Variants in ABLIM1 observed in about 807,000 individuals in gnomAD.
ABLIM1 encodes the protein actin binding LIM protein 1, also known as actin-binding LIM protein 1.
Under a neutral mutation model 107.0 loss-of-function variants are expected in ABLIM1, and 40 were observed. That is an observed-to-expected ratio of 0.37 (90% CI 0.29 to 0.49). The LOEUF (loss-of-function observed/expected upper bound fraction) is 0.49, where lower values mean the gene tolerates loss of function less well. ABLIM1 is among the 20% of genes least tolerant of loss of function. The probability of loss-of-function intolerance (pLI) is 0.97; values close to 1 mark genes in which losing one functional copy is unlikely to be tolerated. For missense variants in ABLIM1, 857 were observed against 1,008.5 expected (o/e 0.85, Z 2.04); for synonymous variants, 357 against 357.3 (o/e 1.00, Z 0.01).
chr10:114,449,714 T>C (rs373284408), intron 14 of ABLIM1, among the ~76,000 whole-genome samples: 5 of 152,350 alleles, frequency 3.3e-5, no homozygotes, highest in African/African-American at 9.6e-5. Context: ...CATGTTAGCA[T>C]ATAAGAAGTT....
intron 1 of ABLIM1, among the ~76,000 whole-genome samples, chr10:114,764,251 C>T (rs905430453): frequency 6.6e-6 from 1 of 152,206 alleles, no homozygotes; most frequent in African/African-American, 2.4e-5. Flanking sequence ...TCTTAGCTTG[C>T]TCTATCATAA....
intron 12 of ABLIM1, among the ~76,000 whole-genome samples, chr10:114,463,507 C>G (rs1178611864): frequency 6.6e-6 from 1 of 151,736 alleles, no homozygotes; most frequent in Non-Finnish European, 1.5e-5. Flanking sequence ...GCACCTGACA[C>G]AACAGAACCC....
In ABLIM1 at chr10:114,707,511, C is replaced by A. The variant is rs139049797; in HGVS notation, c.-213+60550G>T. ...CCTCCCAAAGTGCTGGGATTACAGG[C>A]GTAAGCCACCACACCTGGCCCAGTT... On this transcript the variant is annotated intron_variant, in intron 1 of 15. Transcript: ENST00000651092. This position sits in a 1 kb window ranked among gnomAD's most constrained non-coding sequence, Gnocchi z 4.1. Among the ~76,000 whole-genome samples the A allele has an allele frequency of 2.0e-5, 3 of 152,152 alleles. No individual in the cohort carries two copies. Among genetic ancestry groups the A allele is most frequent in the Admixed American group, 6.5e-5 (1 of 15,274 alleles).
At chr10:114,500,352 T>C (rs761050962) in intron 6 of ABLIM1, among the ~76,000 whole-genome samples, 1 of 152,144 alleles carries the variant, frequency 6.6e-6, no homozygotes, top group Non-Finnish European at 1.5e-5. Flanking sequence ...GACTGAAAAT[T>C]GGACTTTGGG....
exon 1 of ABLIM1, chr10:114,684,567 A>G: frequency 2.2e-6 from 3 of 1,353,706 alleles, no homozygotes; most frequent in Non-Finnish European, 2.9e-6. Flanking sequence ...CTCCTTCCTC[A>G]TGTACAGATT....
At chr10:114,507,884 C>T (rs187426703) in intron 6 of ABLIM1, among the ~76,000 whole-genome samples, 4 of 152,140 alleles carry the variant, frequency 2.6e-5, no homozygotes, top group African/African-American at 9.7e-5. Context: ...AGCAGACCCC[C>T]CTGAGTTCTG....
At chr10:114,475,080 A>C (rs762312192) in intron 8 of ABLIM1, among the ~76,000 whole-genome samples, 2 of 152,224 alleles carry the variant, frequency 1.3e-5, no homozygotes, top group Non-Finnish European at 2.9e-5. Context: ...GCATGAGAAC[A>C]GACCTAACAG....
In ABLIM1 at chr10:114,574,448, TA is replaced by T. The variant is rs57646484; in HGVS notation, c.563+967del. On this transcript the variant is annotated intron_variant, in intron 3 of 22. Transcript: ENST00000533213. ...GATCATTTTATTATTTATTTTATTTTATTTTTTTTGAGATGGAGTCTTGCTG... is the reference window on the plus strand; with the variant it reads ...GATCATTTTATTATTTATTTTATTTTTTTTTTTTGAGATGGAGTCTTGCTG... 5.4e-3 allele frequency among the ~76,000 whole-genome samples: 818 copies of T among 151,094 alleles called. 7 individuals are homozygous for T. Among genetic ancestry groups the T allele is most frequent in the African/African-American group, 0.014 (581 of 40,680 alleles).
At chr10:114,448,612 T>TATG (rs2061406252) in intron 14 of ABLIM1, among the ~76,000 whole-genome samples, 1 of 151,524 alleles carries the variant, frequency 6.6e-6, no homozygotes, top group Non-Finnish European at 1.5e-5. Flanking sequence ...CTTTTATTAT[T>TATG]ATTATTATTA....
chr10:114,554,821 T>A (rs1241864589), intron 4 of ABLIM1, among the ~76,000 whole-genome samples: 2 of 152,190 alleles, frequency 1.3e-5, no homozygotes, highest in African/African-American at 4.8e-5. Flanking sequence ...TCCTAGACAC[T>A]AATTGGGCAA....
At chr10:114,497,354 A>G (rs1309889167) in intron 6 of ABLIM1, among the ~76,000 whole-genome samples, 2 of 152,078 alleles carry the variant, frequency 1.3e-5, no homozygotes, top group Non-Finnish European at 2.9e-5. Context: ...TTCCCCATCT[A>G]TCTTTGTACC....
chr10:114,475,142 C>T (rs2056115485), intron 8 of ABLIM1, among the ~76,000 whole-genome samples: 1 of 152,124 alleles, frequency 6.6e-6, no homozygotes, highest in Admixed American at 6.5e-5. Context: ...GGATTCTATC[C>T]CTGCCTTCCC....
At chr10:114,730,892 C>T (rs777221666) in intron 1 of ABLIM1, among the ~76,000 whole-genome samples, 1 of 152,122 alleles carries the variant, frequency 6.6e-6, no homozygotes, top group Non-Finnish European at 1.5e-5. Flanking sequence ...CTGGATATTT[C>T]ATGTAAATAG....
intron 6 of ABLIM1, among the ~76,000 whole-genome samples, chr10:114,527,823 C>G (rs1168117680): frequency 6.8e-6 from 1 of 146,772 alleles, no homozygotes; most frequent in Non-Finnish European, 1.5e-5. Context: ...AGCCACCATG[C>G]CTGGCTAATT....
intron 1 of ABLIM1, among the ~76,000 whole-genome samples, chr10:114,665,731 A>G (rs898433812): frequency 4.1e-4 from 63 of 152,322 alleles, no homozygotes; most frequent in Non-Finnish European, 7.2e-4. Flanking sequence ...GTTTTTTCCA[A>G]GTACTTAAAA....
chr10:114,665,778 A>G (rs4752089), intron 1 of ABLIM1, among the ~76,000 whole-genome samples: 29,982 of 152,120 alleles, frequency 0.2, 3,022 homozygotes, highest in Middle Eastern at 0.26. Flanking sequence ...GTCCTGTGAG[A>G]TGGAGCCCCC....
At chr10:114,677,753 C>T (rs1384478660) in intron 1 of ABLIM1, among the ~76,000 whole-genome samples, 1 of 152,098 alleles carries the variant, frequency 6.6e-6, no homozygotes, top group Non-Finnish European at 1.5e-5. Flanking sequence ...CCAGCCTGGG[C>T]AACAGCCAGA....
At chr10:114,582,592 A>G (rs2073522683) in intron 2 of ABLIM1, among the ~76,000 whole-genome samples, 1 of 152,210 alleles carries the variant, frequency 6.6e-6, no homozygotes, top group Admixed American at 6.5e-5. Flanking sequence ...GCGGCATCAC[A>G]TTATCTGACT....
intron 1 of ABLIM1, among the ~76,000 whole-genome samples, chr10:114,711,925 G>A (rs1170800506): frequency 1.3e-5 from 2 of 152,208 alleles, no homozygotes; most frequent in African/African-American, 4.8e-5. Flanking sequence ...AGCCGTTGCT[G>A]TAGCCATCGG....
Sources: gnomAD v4.1 joint callset for allele counts (sites outside exome capture counted in the v4.1 genomes callset) on GRCh38, gnomAD v4.1.1 for gene constraint, Gnocchi (gnomAD v3.1) non-coding constraint, MANE v1.5 for transcripts, NCBI Gene and HGNC (gene_info 2026-07-23, HGNC 2026-07-21) for gene names.